The following RBFOX1 variants were observed in gnomAD, a reference collection of about 807,000 sequenced individuals.
RBFOX1 encodes RNA binding protein fox-1 homolog 1.
A neutral mutation model predicts 57.7 loss-of-function variants in RBFOX1; 8 were observed. That is an observed-to-expected ratio of 0.14 (90% CI 0.08 to 0.25). The LOEUF (loss-of-function observed/expected upper bound fraction) is 0.25. Among genes scored for constraint, RBFOX1 ranks in the 10% least tolerant of loss-of-function variants. RBFOX1 has a pLI of 1.00. For missense variants in RBFOX1, 611 were observed against 548.5 expected (o/e 1.11, Z -1.14); for synonymous variants, 326 against 222.4 (o/e 1.47, Z -4.15).
At chr16:7,219,462 G>C (rs151181452) in intron 4 of RBFOX1, among the ~76,000 whole-genome samples, 1 of 152,160 alleles carries the variant, frequency 6.6e-6, no homozygotes, top group Non-Finnish European at 1.5e-5. Context: ...TGCTCCAACC[G>C]TGTTCATTTA....
intron 3 of RBFOX1, among the ~76,000 whole-genome samples, chr16:6,771,006 C>T (rs8061616): frequency 2.0e-5 from 3 of 152,010 alleles, no homozygotes; most frequent in Admixed American, 1.3e-4. Flanking sequence ...GAATGTGAGT[C>T]TGTTTGGAGA....
chr16:7,069,937 C>T (rs769773963), intron 4 of RBFOX1, among the ~76,000 whole-genome samples: 3 of 152,184 alleles, frequency 2.0e-5, no homozygotes, highest in East Asian at 1.9e-4. Flanking sequence ...ATAGTACATT[C>T]GCCATAATGA....
At chr16:6,882,782 G>T (rs908928214) in intron 3 of RBFOX1, among the ~76,000 whole-genome samples, 1 of 151,978 alleles carries the variant, frequency 6.6e-6, no homozygotes, top group Non-Finnish European at 1.5e-5. Flanking sequence ...AGACCAGGAT[G>T]CAAGTGGCAT....
chr16:6,777,184 A>G (rs528165500), intron 3 of RBFOX1, among the ~76,000 whole-genome samples: 2 of 152,294 alleles, frequency 1.3e-5, no homozygotes, highest in South Asian at 4.1e-4. Context: ...TCTGAGCTTT[A>G]GAAAAGTGAT....
chr16:7,709,035 T>A, intron 14 of RBFOX1, 21 bp from the exon 15 acceptor site: 1 of 1,597,424 alleles, frequency 6.3e-7, no homozygotes, highest in South Asian at 1.1e-5. Context: ...GGATCAATCT[T>A]CACCTCTATT....
intron 1 of RBFOX1, among the ~76,000 whole-genome samples, chr16:5,454,780 T>G (rs2068533963): frequency 6.6e-6 from 1 of 151,194 alleles, no homozygotes; most frequent in Non-Finnish European, 1.5e-5. Flanking sequence ...TTTCTTTCTT[T>G]CTTTCTTTCT....
At position 6,969,883 on chromosome 16, in the gene RBFOX1, A is replaced by G. The variant is rs140902492; in HGVS notation, c.-15-82174A>G. ...CCATTGTACTAATTGATGGGTATGC[A>G]ATGTTGTGTCACTTGAGACTCTTTC... On this transcript the variant is annotated intron_variant, in intron 3 of 15. Coordinates refer to ENST00000550418, the MANE Select transcript of RBFOX1 (RefSeq NM_018723.4). 5.9e-5 allele frequency among the ~76,000 whole-genome samples: 9 copies of G among 152,290 alleles called. No homozygotes were observed. In the East Asian group the frequency reaches 1.7e-3, roughly 29 times the overall value.
At chr16:6,485,076 C>CTTTG (rs1423587712) in intron 2 of RBFOX1, among the ~76,000 whole-genome samples, 1 of 152,040 alleles carries the variant, frequency 6.6e-6, no homozygotes, top group East Asian at 1.9e-4. Flanking sequence ...AGTAACTTGC[C>CTTTG]TTTGTGGTTT....
chr16:6,646,746 C>G (rs1461242462), intron 2 of RBFOX1, among the ~76,000 whole-genome samples: 3 of 152,132 alleles, frequency 2.0e-5, no homozygotes, highest in African/African-American at 7.2e-5. Flanking sequence ...ATTTTCATCA[C>G]TCCCATATTG....
intron 4 of RBFOX1, among the ~76,000 whole-genome samples, chr16:7,123,039 T>G (rs2067555704): frequency 6.6e-6 from 1 of 151,892 alleles, no homozygotes; most frequent in Non-Finnish European, 1.5e-5. Flanking sequence ...CTGCCAGGGA[T>G]TAGGGGTTGG....
intron 3 of RBFOX1, among the ~76,000 whole-genome samples, chr16:6,966,324 C>T (rs1209857646): frequency 6.6e-6 from 1 of 152,068 alleles, no homozygotes; most frequent in Non-Finnish European, 1.5e-5. Context: ...GAAGGGAGAG[C>T]AAGTTTTGGC....
At chr16:7,416,661 T>G (rs1015942168) in intron 4 of RBFOX1, among the ~76,000 whole-genome samples, 5 of 152,152 alleles carry the variant, frequency 3.3e-5, no homozygotes, top group Non-Finnish European at 7.3e-5. Context: ...AGGACCCCAG[T>G]GGCAATGGAT....
At chr16:6,921,645 ATTTTT>A (rs372298051) in intron 3 of RBFOX1, among the ~76,000 whole-genome samples, 1 of 55,294 alleles carries the variant, frequency 1.8e-5, no homozygotes, top group Non-Finnish European at 4.5e-5. Context: ...ATATATATAT[ATTTTT>A]TTTTTTCTTA....
At chr16:6,924,071 G>C (rs1366550595) in intron 3 of RBFOX1, among the ~76,000 whole-genome samples, 1 of 151,870 alleles carries the variant, frequency 6.6e-6, no homozygotes, top group Non-Finnish European at 1.5e-5. Flanking sequence ...TCGGGAGACT[G>C]AGGCATGAGA....
At chr16:5,427,223 C>G (rs2067588349) in intron 1 of RBFOX1, among the ~76,000 whole-genome samples, 1 of 152,158 alleles carries the variant, frequency 6.6e-6, no homozygotes, top group Admixed American at 6.5e-5. Context: ...AGATGTGTAC[C>G]TGTGTACATC....
intron 3 of RBFOX1, among the ~76,000 whole-genome samples, chr16:6,707,899 G>A (rs774272241): frequency 3.3e-5 from 5 of 152,232 alleles, no homozygotes; most frequent in African/African-American, 4.8e-5. Context: ...CTCTGTGAGA[G>A]AGGGACTTAG....
At chr16:6,939,812 A>G (rs550119400) in intron 3 of RBFOX1, among the ~76,000 whole-genome samples, 2 of 152,300 alleles carry the variant, frequency 1.3e-5, no homozygotes, top group South Asian at 4.1e-4. Flanking sequence ...ATGCTGGACC[A>G]GAATTTTTCA....
intron 3 of RBFOX1, among the ~76,000 whole-genome samples, chr16:5,693,220 C>T (rs768959608): frequency 7.9e-5 from 12 of 152,104 alleles, no homozygotes; most frequent in Non-Finnish European, 1.6e-4. Context: ...CCCTTTAACC[C>T]TCTCCTGACC....
intron 14 of RBFOX1, among the ~76,000 whole-genome samples, chr16:7,700,679 A>T (rs1032952845): frequency 6.6e-6 from 1 of 152,212 alleles, no homozygotes; most frequent in Non-Finnish European, 1.5e-5. Flanking sequence ...GAATGTGCCT[A>T]CAGCTCCTTT....
Sources: gnomAD v4.1 joint callset for allele counts (sites outside exome capture counted in the v4.1 genomes callset) on GRCh38, gnomAD v4.1.1 for gene constraint, MANE v1.5 for transcripts, NCBI Gene and HGNC (gene_info 2026-07-23, HGNC 2026-07-21) for gene names.